SIPA1L1: variants seen among roughly 807,000 people sequenced by gnomAD.
SIPA1L1 encodes signal-induced proliferation-associated 1-like protein 1.
SIPA1L1 carries 26 observed loss-of-function variants against 162.7 expected under a neutral mutation model. The ratio of observed to expected loss-of-function variants is 0.16; its 90% CI spans 0.12 to 0.22. The LOEUF is 0.22. SIPA1L1 is among the 10% of genes least tolerant of loss of function. SIPA1L1 has a pLI of 1.00. For missense variants in SIPA1L1, 1,874 were observed against 2,241.0 expected (o/e 0.84, Z 3.31); for synonymous variants, 829 against 837.4 (o/e 0.99, Z 0.17).
At chr14:71,500,788 C>T (rs1176843692) in intron 2 of SIPA1L1, among the ~76,000 whole-genome samples, 1 of 152,124 alleles carries the variant, frequency 6.6e-6, no homozygotes, top group Non-Finnish European at 1.5e-5. Context: ...GGGCGGGTCA[C>T]CTGAGATCGG....
chr14:71,582,798 T>C (rs1341941786), intron 4 of SIPA1L1, among the ~76,000 whole-genome samples: 1 of 152,210 alleles, frequency 6.6e-6, no homozygotes, highest in African/African-American at 2.4e-5. Context: ...TGCTTTTTGT[T>C]GAAGGGAGAA....
chr14:71,381,765 G>A (rs1160557157), intron 2 of SIPA1L1, among the ~76,000 whole-genome samples: 1 of 152,168 alleles, frequency 6.6e-6, no homozygotes, highest in Non-Finnish European at 1.5e-5. Context: ...CTGATAGACT[G>A]TGTGTGCTGG....
chr14:71,353,028 C>T (rs2036874858), intron 2 of SIPA1L1, among the ~76,000 whole-genome samples: 1 of 152,166 alleles, frequency 6.6e-6, no homozygotes, highest in South Asian at 2.1e-4. Flanking sequence ...TGACCATATA[C>T]ATTTGTGGAA....
intron 2 of SIPA1L1, among the ~76,000 whole-genome samples, chr14:71,348,958 G>T (rs1422288103): frequency 6.6e-6 from 1 of 152,186 alleles, no homozygotes; most frequent in Non-Finnish European, 1.5e-5. Flanking sequence ...AACTGATAAG[G>T]TGAGAGAAGC....
At chr14:71,703,874 C>T (rs2082261847) in intron 15 of SIPA1L1, among the ~76,000 whole-genome samples, 1 of 152,170 alleles carries the variant, frequency 6.6e-6, no homozygotes, top group African/African-American at 2.4e-5. Context: ...CACAAACCTC[C>T]CTCTAGTCTT....
chr14:71,512,564 C>CG (rs2051259084), intron 2 of SIPA1L1, among the ~76,000 whole-genome samples, 179 bp from the exon 3 acceptor site: 1 of 139,414 alleles, frequency 7.2e-6, no homozygotes, highest in Admixed American at 7.8e-5. Context: ...TCCAGCCTGG[C>CG]GACAGAGCGA....
At chr14:71,676,153 G>C (rs897933086) in intron 12 of SIPA1L1, among the ~76,000 whole-genome samples, 1 of 149,522 alleles carries the variant, frequency 6.7e-6, no homozygotes, top group African/African-American at 2.5e-5. Context: ...AATTAGGGGG[G>C]CGTGCTGGCA....
chr14:71,418,421 AAG>A (rs1322294925), intron 2 of SIPA1L1, among the ~76,000 whole-genome samples: 2 of 152,210 alleles, frequency 1.3e-5, no homozygotes, highest in African/African-American at 4.8e-5. Context: ...GAAAATAAAG[AAG>A]AGAGAACATG....
At chr14:71,337,281 T>C (rs1202132651) in intron 2 of SIPA1L1, among the ~76,000 whole-genome samples, 1 of 152,228 alleles carries the variant, frequency 6.6e-6, no homozygotes, top group Admixed American at 6.5e-5. Context: ...GTTTTAGTTA[T>C]ATTTAATTCA....
intron 7 of SIPA1L1, among the ~76,000 whole-genome samples, chr14:71,632,845 C>T (rs1449843117): frequency 6.6e-6 from 1 of 152,168 alleles, no homozygotes; most frequent in Non-Finnish European, 1.5e-5. Flanking sequence ...CTAGCAGTGT[C>T]ATTTTTTCCA....
intron 12 of SIPA1L1, among the ~76,000 whole-genome samples, chr14:71,674,726 G>A (rs1199554311): frequency 6.6e-6 from 1 of 151,416 alleles, no homozygotes; most frequent in Non-Finnish European, 1.5e-5. Context: ...CACTACGCCC[G>A]GCTAATTTTT....
At chr14:71,402,892 A>T (rs947080765) in intron 2 of SIPA1L1, among the ~76,000 whole-genome samples, 4 of 152,158 alleles carry the variant, frequency 2.6e-5, no homozygotes, top group African/African-American at 9.7e-5. Context: ...TTACTATTAT[A>T]ATAGTATTTG....
intron 4 of SIPA1L1, among the ~76,000 whole-genome samples, chr14:71,580,727 A>AGT (rs1213750265): frequency 1.3e-5 from 2 of 152,160 alleles, no homozygotes; most frequent in African/African-American, 4.8e-5. Flanking sequence ...GGTTTAACAA[A>AGT]GTATAGTATC....
Position 71,356,369 on chromosome 14 carries a change from AAGC to A in SIPA1L1, c.-465+35191_-465+35193del, listed in dbSNP as rs1295624572. On this transcript the variant is annotated intron_variant, in intron 2 of 23. Transcript: ENST00000381232. ...ATAATATAATGTTAATTATAATTAT[AAGC>A]AGTATAATAGTAATCAATAATATAA... Among the ~76,000 whole-genome samples the A allele has an allele frequency of 2.6e-5, 4 of 151,698 alleles. No individual in the cohort carries two copies. In the East Asian group the frequency reaches 7.7e-4, roughly 29 times the overall value.
At chr14:71,721,998 G>T (rs1316820541) in intron 17 of SIPA1L1, among the ~76,000 whole-genome samples, 1 of 152,210 alleles carries the variant, frequency 6.6e-6, no homozygotes, top group Non-Finnish European at 1.5e-5. Context: ...CTGTCCGTGG[G>T]TGCCAGCAGA....
intron 7 of SIPA1L1, among the ~76,000 whole-genome samples, chr14:71,639,359 A>G (rs2041474485): frequency 1.3e-5 from 2 of 152,310 alleles, no homozygotes; most frequent in African/African-American, 4.8e-5. Context: ...GCCATGAGCT[A>G]TGATCATCCT....
intron 4 of SIPA1L1, among the ~76,000 whole-genome samples, chr14:71,580,898 CAG>C (rs1308494702): frequency 3.3e-5 from 5 of 151,974 alleles, no homozygotes; most frequent in Admixed American, 2.6e-4. Context: ...AATAAAAAAA[CAG>C]AAATTACTCA....
intron 2 of SIPA1L1, among the ~76,000 whole-genome samples, chr14:71,393,140 C>T (rs943336824): frequency 3.9e-5 from 6 of 152,106 alleles, no homozygotes; most frequent in African/African-American, 1.2e-4. Context: ...AATAGGATAT[C>T]GATATATGGA....
At position 71,699,092 on chromosome 14, in the gene SIPA1L1, G is replaced by T; in HGVS notation, c.3486G>T (p.Val1162=). Residue 1162 remains valine, a synonymous_variant, in exon 14 of 24, where the codon GTG becomes GTT. Transcript: ENST00000381232. ...NLSSSSDTGS[V]GGTYRQKSMP... is the part of the protein sequence containing the mutation. The stretch of plus-strand genomic sequence containing the variant: ...CTTCATCCAGTGATACTGGTTCTGT[G>T]GGGGGCACTTACAGGCAGAAGTCCA... The T allele has an allele frequency of 1.2e-6, 2 of 1,613,990 alleles. No individual in the cohort carries two copies. The highest frequency in any genetic ancestry group is 1.7e-6 in the Non-Finnish European group (2 of 1,179,870).
Sources: allele counts gnomAD v4.1 joint callset (sites outside exome capture counted in the v4.1 genomes callset), GRCh38; gene constraint gnomAD v4.1.1; transcripts MANE v1.5; gene names NCBI Gene and HGNC (gene_info 2026-07-23, HGNC 2026-07-21).